Variants in DPEP1 observed in about 807,000 individuals in gnomAD.
DPEP1 encodes the protein beta-lactamase.
A neutral mutation model predicts 42.3 loss-of-function variants in DPEP1; 50 were observed. That is an observed-to-expected ratio of 1.18 (90% CI 0.94 to 1.50). DPEP1 has a LOEUF of 1.50. Among genes scored for constraint, DPEP1 ranks in the 40% most tolerant of loss-of-function variants. DPEP1 has a pLI of 0.00. For missense variants in DPEP1, 663 were observed against 553.0 expected, an observed-to-expected ratio of 1.20 and a Z score of -1.99; for synonymous variants, 297 against 234.0, an observed-to-expected ratio of 1.27 and a Z score of -2.46.
At position 89,619,851 on chromosome 16, in the gene DPEP1, T is replaced by C. The variant is rs182255083; in HGVS notation, c.-107+6132T>C. On this transcript the variant is annotated intron_variant, in intron 1 of 10. Transcript: ENST00000690203. The stretch of plus-strand genomic sequence containing the variant: ...GCAGCCCCCTGCGTCCCCTCCCCTC[T>C]CTGCAGCCCCCACTGTTCCTCCCAC... Among the ~76,000 whole-genome samples, 33 of 19,176 alleles carry C rather than the reference T, an allele frequency of 1.7e-3. 2 individuals are homozygous for C. The highest frequency in any genetic ancestry group is 7.3e-3 in the African/African-American group (26 of 3,544). 12.6% of individuals were successfully genotyped at this position (19,176 alleles called of 152,430 possible). A position where few individuals can be genotyped will look rare whatever the true frequency, so the allele number is the denominator to read the frequency against.
At chr16:89,615,801 G>A (rs376845936) in intron 1 of DPEP1, among the ~76,000 whole-genome samples, 6 of 152,198 alleles carry the variant, frequency 3.9e-5, no homozygotes, top group Non-Finnish European at 7.4e-5. Flanking sequence ...CGGGGGCCCC[G>A]GGGTCCTGGC....
chr16:89,626,591 C>T (rs2059515772), intron 1 of DPEP1: 1 of 152,140 alleles, frequency 6.6e-6, no homozygotes, highest in South Asian at 2.1e-4. Flanking sequence ...CTCAGGTGAT[C>T]CACCCGCCTC....
chr16:89,638,502 G>T, downstream of DPEP1: 1 of 1,256,072 alleles, frequency 8.0e-7, no homozygotes, highest in Non-Finnish European at 1.0e-6. Context: ...CTCCTGGTTG[G>T]ACGTGGGGCA....
chr16:89,637,761 T>C (rs1397180945), intron 9 of DPEP1, 54 bp downstream of exon 9: 4 of 1,612,486 alleles, frequency 2.5e-6, no homozygotes, highest in Non-Finnish European at 3.4e-6. Flanking sequence ...CATGGCCTCG[T>C]CAGAGGGATG....
chr16:89,635,981 A>C lies in DPEP1; in HGVS notation c.178A>C (p.Thr60Pro). 6.2e-7 allele frequency: 1 copy of C among 1,612,092 alleles called. No individual in the cohort carries two copies. The highest frequency in any genetic ancestry group is 8.5e-7 in the Non-Finnish European group (1 of 1,179,676). ...GCAGGACGAGAGGGCCAACCTGACC[A>C]CCTTGGCCGGCACACACACCAACAT... ...RLQDERANLT[T>P]LAGTHTNIPK... is the part of the protein sequence containing the mutation. The change falls in exon 3 of 11, where the codon ACC becomes CCC. Residue 60 changes from threonine (T) to proline (P), a missense_variant. Thr to Pro is a conservative substitution (Grantham distance 38). Coordinates refer to ENST00000690203, the MANE Select transcript of DPEP1 (RefSeq NM_001389466.1).
chr16:89,635,723 G>C (rs1336694435), intron 2 of DPEP1, among the ~76,000 whole-genome samples, 185 bp from the exon 3 acceptor site: 1 of 152,154 alleles, frequency 6.6e-6, no homozygotes, highest in Admixed American at 6.6e-5. Flanking sequence ...GCACAGTTGG[G>C]AAATGCAGCC....
chr16:89,639,115 ATTCACATC>A (rs2059722790), downstream of DPEP1, among the ~76,000 whole-genome samples: 1 of 39,724 alleles, frequency 2.5e-5, no homozygotes. Flanking sequence ...ACCCCTGCAC[ATTCACATC>A]CCACCCCTGC....
chr16:89,628,310 T>G (rs1327101896), intron 1 of DPEP1, among the ~76,000 whole-genome samples: 1 of 146,394 alleles, frequency 6.8e-6, no homozygotes, highest in Non-Finnish European at 1.5e-5. Flanking sequence ...CAGGCTGGAG[T>G]GCAATGGCGC....
At chr16:89,634,072 T>G (rs548471049) in intron 2 of DPEP1, among the ~76,000 whole-genome samples, 2 of 144,384 alleles carry the variant, frequency 1.4e-5, no homozygotes, top group South Asian at 4.4e-4. Context: ...TTTCTATTTT[T>G]CTTTTCTCTT....
intron 7 of DPEP1, 28 bp from the exon 8 acceptor site, chr16:89,637,440 G>T (rs778201510): frequency 6.2e-7 from 1 of 1,612,806 alleles, no homozygotes; most frequent in Non-Finnish European, 8.5e-7. Flanking sequence ...CCAGCTCTCA[G>T]CTTCACCCTG....
At chr16:89,630,986 A>C (rs1269691528) in intron 2 of DPEP1, among the ~76,000 whole-genome samples, 2 of 151,948 alleles carry the variant, frequency 1.3e-5, no homozygotes, top group African/African-American at 2.4e-5. Flanking sequence ...GGCAGGAAGG[A>C]GGCAAGGCCA....
chr16:89,634,155 C>A (rs1285253307), intron 2 of DPEP1, among the ~76,000 whole-genome samples: 1 of 138,884 alleles, frequency 7.2e-6, no homozygotes, highest in Non-Finnish European at 1.5e-5. Context: ...GTGGTGCGAT[C>A]TCGGCTCACT....
At chr16:89,635,814 G>A in intron 2 of DPEP1, 94 bp from the exon 3 acceptor site, 1 of 1,456,696 alleles carries the variant, frequency 6.9e-7, no homozygotes, top group Non-Finnish European at 9.1e-7. Context: ...TGAGGAGTAG[G>A]AAGTGGGGAG....
intron 1 of DPEP1, among the ~76,000 whole-genome samples, chr16:89,626,984 A>G (rs2059521733): frequency 6.6e-6 from 1 of 151,852 alleles, no homozygotes; most frequent in East Asian, 1.9e-4. Flanking sequence ...ACGTGGGGCC[A>G]GGTATGGTGG....
At chr16:89,625,653 G>C (rs762479129) in intron 1 of DPEP1, among the ~76,000 whole-genome samples, 5 of 152,160 alleles carry the variant, frequency 3.3e-5, no homozygotes, top group Non-Finnish European at 5.9e-5. Context: ...GGAAGATAAG[G>C]GCACCCAGTG....
intron 1 of DPEP1, among the ~76,000 whole-genome samples, chr16:89,618,144 C>A (rs1004165462): frequency 1.3e-5 from 2 of 152,122 alleles, no homozygotes; most frequent in African/African-American, 2.4e-5. Flanking sequence ...GGCTTAAATG[C>A]AAATAGAATA....
intron 2 of DPEP1, among the ~76,000 whole-genome samples, chr16:89,631,922 C>T (rs551680583): frequency 6.6e-5 from 10 of 152,272 alleles, no homozygotes; most frequent in African/African-American, 2.4e-4. Context: ...TCCCTGCATC[C>T]TCATGGTTTA....
chr16:89,641,258 A>G (rs988149414), downstream of DPEP1, among the ~76,000 whole-genome samples: 16 of 151,838 alleles, frequency 1.1e-4, no homozygotes, highest in Non-Finnish European at 1.8e-4. Context: ...TCCACAAGAG[A>G]TGGTGGAGCA....
At chr16:89,640,918 C>T (rs892554904), downstream of DPEP1, among the ~76,000 whole-genome samples, 3 of 152,090 alleles carry the variant, frequency 2.0e-5, no homozygotes, top group Non-Finnish European at 2.9e-5. Flanking sequence ...TTATTGGATA[C>T]GAGGCAAAAG....
Sources: gnomAD v4.1 joint callset for allele counts (sites outside exome capture counted in the v4.1 genomes callset) on GRCh38, gnomAD v4.1.1 for gene constraint, MANE v1.5 for transcripts, NCBI Gene and HGNC (gene_info 2026-07-23, HGNC 2026-07-21) for gene names.